The following B3GAT2 variants were observed in gnomAD, a reference collection of about 807,000 sequenced individuals.
The protein encoded by B3GAT2 is beta-1,3-glucuronyltransferase 2, also known as galactosylgalactosylxylosylprotein 3-beta-glucuronosyltransferase 2.
In B3GAT2, 26 loss-of-function variants were observed where a neutral mutation model predicts 27.8. The observed-to-expected ratio is 0.93, with a 90% CI of 0.68 to 1.30. The LOEUF (loss-of-function observed/expected upper bound fraction) is 1.30, where lower values mean the gene tolerates loss of function less well. Among genes scored for constraint, B3GAT2 ranks in the 50% most tolerant of loss-of-function variants. The pLI is 0.00. For synonymous variants in B3GAT2, 218 were observed against 195.1 expected (o/e 1.12, Z -0.98); for missense variants, 458 against 459.0 (o/e 1.00, Z 0.02).
chr6:70,924,278 G>C (rs1772918521), intron 1 of B3GAT2, among the ~76,000 whole-genome samples: 1 of 151,984 alleles, frequency 6.6e-6, no homozygotes, highest in African/African-American at 2.4e-5. Flanking sequence ...AAGATAAATG[G>C]AACAAAATTC....
At position 70,860,597 on chromosome 6, in the gene B3GAT2, C is replaced by G. The variant is rs1771676104; in HGVS notation, c.*1066G>C. 2 of 432,444 alleles carry G rather than the reference C, an allele frequency of 4.6e-6. No individual in the cohort carries two copies. The highest frequency in any genetic ancestry group is 4.1e-5 in the African/African-American group (2 of 49,324). The allele number at this position is 432,444 out of a possible 1,614,324, so 26.8% of individuals were successfully genotyped here. The stretch of plus-strand genomic sequence containing the variant: ...CTGCATTATTTGAGAAGCTGCTCAA[C>G]TTGCAAAATCAGTTTTCCTCTCAAT... On this transcript the variant is annotated 3_prime_UTR_variant, in exon 4 of 4. Coordinates refer to ENST00000230053, the MANE Select transcript of B3GAT2 (RefSeq NM_080742.3).
At chr6:70,914,981 A>T (rs541905274) in intron 1 of B3GAT2, among the ~76,000 whole-genome samples, 9 of 152,262 alleles carry the variant, frequency 5.9e-5, no homozygotes, top group African/African-American at 2.2e-4. Context: ...GAATCGCCAC[A>T]CTGTCTTCCA....
chr6:70,901,743 G>A (rs925494922), intron 1 of B3GAT2, among the ~76,000 whole-genome samples: 21 of 152,110 alleles, frequency 1.4e-4, no homozygotes, highest in African/African-American at 5.1e-4. Flanking sequence ...ATGCTGTCAT[G>A]GGAGATACTG....
chr6:70,893,150 G>A (rs765377541), intron 2 of B3GAT2, among the ~76,000 whole-genome samples: 2 of 152,152 alleles, frequency 1.3e-5, no homozygotes, highest in Non-Finnish European at 2.9e-5. Context: ...GATGACTCCT[G>A]GTATTCTTCG....
chr6:70,881,921 C>T (rs555906610), intron 2 of B3GAT2, among the ~76,000 whole-genome samples: 42 of 152,274 alleles, frequency 2.8e-4, no homozygotes, highest in African/African-American at 9.9e-4. Flanking sequence ...TTCTGTTTTC[C>T]AGCATGGTTT....
At position 70,956,054 on chromosome 6, in the gene B3GAT2, C is replaced by A. The variant is rs751590012; in HGVS notation, c.376G>T (p.Val126Leu). Reference sequence around the variant, plus strand: ...CCGGCCCGCGCCAGGAAGCGGCTCACCAGCTCGCTGCGCGCCGCCGCGTCC... The same window carrying A: ...CCGGCCCGCGCCAGGAAGCGGCTCAACAGCTCGCTGCGCGCCGCCGCGTCC... ...VEDAAARSEL[V>L]SRFLARAGLP... The change falls in exon 1 of 4, where the codon GTG (valine) becomes TTG (leucine). Residue 126 changes from valine (V) to leucine (L), a missense_variant. By Grantham distance (32) the Val-to-Leu change is conservative. Transcript: ENST00000230053. 1 of 1,584,024 alleles carries A rather than the reference C, an allele frequency of 6.3e-7. No individual in the cohort carries two copies. Among genetic ancestry groups the A allele is most frequent in the South Asian group, 1.1e-5 (1 of 87,694 alleles).
At chr6:70,921,197 TTCTC>T in intron 1 of B3GAT2, among the ~76,000 whole-genome samples, 1 of 152,266 alleles carries the variant, frequency 6.6e-6, no homozygotes, top group Non-Finnish European at 1.5e-5. Flanking sequence ...AAATTGCTTT[TTCTC>T]TCTCTCTTTC....
At chr6:70,884,063 T>A (rs567173333) in intron 2 of B3GAT2, among the ~76,000 whole-genome samples, 2 of 128,616 alleles carry the variant, frequency 1.6e-5, no homozygotes, top group Non-Finnish European at 3.1e-5. Context: ...CCTCTCTTAC[T>A]CCTGGGTGCA....
At chr6:70,902,677 T>TAC (rs1772525998) in intron 1 of B3GAT2, among the ~76,000 whole-genome samples, 21 of 147,312 alleles carry the variant, frequency 1.4e-4, no homozygotes, top group Middle Eastern at 3.5e-3. Flanking sequence ...TATATATATA[T>TAC]ACACATAAAC....
chr6:70,895,239 A>AT (rs1368688464), intron 1 of B3GAT2, among the ~76,000 whole-genome samples: 1 of 152,192 alleles, frequency 6.6e-6, no homozygotes, highest in Non-Finnish European at 1.5e-5. Flanking sequence ...TGAGGTAATT[A>AT]TAATTTCAAC....
intron 1 of B3GAT2, among the ~76,000 whole-genome samples, chr6:70,943,336 T>C (rs1360819438): frequency 1.3e-5 from 2 of 152,194 alleles, no homozygotes; most frequent in South Asian, 2.1e-4. Context: ...AGGGGTATAT[T>C]GGTGAGGAGA....
At chr6:70,930,547 C>A (rs528463324) in intron 1 of B3GAT2, among the ~76,000 whole-genome samples, 1 of 152,156 alleles carries the variant, frequency 6.6e-6, no homozygotes, top group Non-Finnish European at 1.5e-5. Flanking sequence ...TGAACAGACA[C>A]TTCTCAAAAG....
chr6:70,889,144 C>T (rs1772241400), intron 2 of B3GAT2, among the ~76,000 whole-genome samples: 1 of 152,120 alleles, frequency 6.6e-6, no homozygotes, highest in African/African-American at 2.4e-5. Context: ...CCCTTGGCTT[C>T]CTTACTTATC....
chr6:70,940,337 A>C (rs1562235497), intron 1 of B3GAT2, among the ~76,000 whole-genome samples: 1 of 152,302 alleles, frequency 6.6e-6, no homozygotes, highest in East Asian at 1.9e-4. Context: ...CAAGGGGCTC[A>C]GTGTCCCCAG....
intron 2 of B3GAT2, among the ~76,000 whole-genome samples, chr6:70,867,636 G>C (rs148229040): frequency 6.6e-6 from 1 of 152,172 alleles, no homozygotes; most frequent in African/African-American, 2.4e-5. Flanking sequence ...ATGTGAAATA[G>C]CCCTGTATCA....
chr6:70,860,662 TATC>T lies in B3GAT2; in HGVS notation c.*998_*1000del, dbSNP rs1230242572. 4.8e-6 allele frequency: 2 copies of T among 417,838 alleles called. No individual in the cohort carries two copies. The highest frequency in any genetic ancestry group is 8.4e-6 in the Non-Finnish European group (2 of 237,096). 25.9% of individuals were successfully genotyped at this position (417,838 alleles called of 1,614,324 possible). ...AATGTTTGCATATAAGGGAAGTAGT[TATC>T]ATGTTAGTAATACCTCTAATAGTAT... is the stretch of plus-strand genomic sequence containing the variant. On this transcript the variant is annotated 3_prime_UTR_variant, in exon 4 of 4. Transcript: ENST00000230053.
intron 2 of B3GAT2, among the ~76,000 whole-genome samples, chr6:70,873,657 TTCTC>T (rs952234719): frequency 1.8e-4 from 27 of 152,110 alleles, no homozygotes; most frequent in African/African-American, 5.5e-4. Context: ...TTGTCCCTTT[TTCTC>T]TCTTTTTCTA....
At chr6:70,864,857 G>A (rs182279641) in intron 2 of B3GAT2, among the ~76,000 whole-genome samples, 9 of 151,956 alleles carry the variant, frequency 5.9e-5, no homozygotes, top group Middle Eastern at 3.4e-3. Context: ...AGTGAGATTC[G>A]TTATCTTTAA....
intron 1 of B3GAT2, among the ~76,000 whole-genome samples, chr6:70,935,455 C>G (rs1318606876): frequency 6.7e-6 from 1 of 149,568 alleles, no homozygotes; most frequent in Non-Finnish European, 1.5e-5. Context: ...CCCTGTCTCA[C>G]TTAAAAATAT....
Sources: allele counts gnomAD v4.1 joint callset (sites outside exome capture counted in the v4.1 genomes callset), GRCh38; gene constraint gnomAD v4.1.1; transcripts MANE v1.5; gene names NCBI Gene and HGNC (gene_info 2026-07-23, HGNC 2026-07-21).